Variants in NAALADL2 observed in about 807,000 individuals in gnomAD.
The protein encoded by NAALADL2 is inactive N-acetylated-alpha-linked acidic dipeptidase-like protein 2.
A neutral mutation model predicts 87.2 loss-of-function variants in NAALADL2; 76 were observed. The observed-to-expected ratio is 0.87, with a 90% confidence interval of 0.72 to 1.05. The LOEUF is 1.05. Among genes scored for constraint, NAALADL2 ranks in the 50% least tolerant of loss-of-function variants. The pLI, the probability that NAALADL2 is intolerant of heterozygous loss-of-function variation, is 0.00. For missense variants in NAALADL2, 1,089 were observed against 945.8 expected (o/e 1.15, Z -1.99); for synonymous variants, 354 against 331.0 (o/e 1.07, Z -0.75).
chr3:175,381,866 A>C (rs1412791463), intron 5 of NAALADL2, among the ~76,000 whole-genome samples: 2 of 152,150 alleles, frequency 1.3e-5, no homozygotes, highest in Non-Finnish European at 2.9e-5. Flanking sequence ...TAGTGGCAGC[A>C]GCGGGCCTGC....
At position 175,030,902 on chromosome 3, in the gene NAALADL2, C is replaced by G. The variant is rs530475670; in HGVS notation, c.44-65888C>G. On this transcript the variant is annotated intron_variant, in intron 1 of 13. Transcript: ENST00000454872. The stretch of plus-strand genomic sequence containing the variant: ...TATACAGCCATGCCTGGTTTTATTG[C>G]ACTTTGCAGATACTACTTTTTTAAA... Among the ~76,000 whole-genome samples, 6 of 151,952 alleles carry G rather than the reference C, an allele frequency of 3.9e-5. No homozygotes were observed. The East Asian group carries it at 1.2e-3, about 30-fold the overall frequency.
chr3:175,232,161 G>A (rs13076509), intron 2 of NAALADL2, among the ~76,000 whole-genome samples: 130,890 of 151,120 alleles, frequency 0.87, 56,950 homozygotes, highest in Middle Eastern at 0.93. Context: ...AAGAAGAAGG[G>A]GGAGGAGGAG....
chr3:175,458,369 T>C (rs892054590), intron 6 of NAALADL2, among the ~76,000 whole-genome samples: 2 of 151,280 alleles, frequency 1.3e-5, no homozygotes, highest in Admixed American at 6.6e-5. Flanking sequence ...TAAATCTATA[T>C]GCATGGGTGT....
At chr3:174,645,371 CTTTGT>C (rs1348681906) in intron 2 of NAALADL2, among the ~76,000 whole-genome samples, 1 of 152,144 alleles carries the variant, frequency 6.6e-6, no homozygotes, top group Non-Finnish European at 1.5e-5. Context: ...GGAGTTTCAG[CTTTGT>C]TTTAACAAAA....
chr3:175,243,746 C>T (rs374593333), intron 3 of NAALADL2, among the ~76,000 whole-genome samples: 4 of 151,716 alleles, frequency 2.6e-5, no homozygotes, highest in South Asian at 4.2e-4. Context: ...CTTTCATCTA[C>T]GGCCACAGAA....
intron 3 of NAALADL2, among the ~76,000 whole-genome samples, chr3:174,756,276 A>C (rs551048387): frequency 6.6e-6 from 1 of 152,280 alleles, no homozygotes; most frequent in Admixed American, 6.5e-5. Flanking sequence ...AAATTTTCTA[A>C]GTCCAAATTA....
intron 11 of NAALADL2, among the ~76,000 whole-genome samples, chr3:175,646,236 G>A (rs1729984680): frequency 6.6e-6 from 1 of 151,658 alleles, no homozygotes; most frequent in South Asian, 2.1e-4. Flanking sequence ...CTTATTTTCA[G>A]TATGCCAATA....
In NAALADL2 at chr3:175,187,289, GA is replaced by G. The variant is rs1049758486; in HGVS notation, c.546-46641del. Among the ~76,000 whole-genome samples the G allele has an allele frequency of 1.2e-4, 18 of 152,278 alleles. 1 individual carries two copies. The East Asian group carries it at 1.5e-3, about 13-fold the overall frequency. ...AAAGGGAATAATCATAGATACAAGT[GA>G]GTTCATGACTATAGGAAGTGCTGTA... On this transcript the variant is annotated intron_variant, in intron 2 of 13. Transcript: ENST00000454872.
chr3:174,581,367 G>A (rs1387188600), intron 2 of NAALADL2, among the ~76,000 whole-genome samples: 1 of 152,178 alleles, frequency 6.6e-6, no homozygotes, highest in Admixed American at 6.5e-5. Context: ...CAGAGGAAAG[G>A]TGTATTTTGA....
At chr3:174,865,238 G>C (rs1366792156) in intron 1 of NAALADL2, among the ~76,000 whole-genome samples, 1 of 152,010 alleles carries the variant, frequency 6.6e-6, no homozygotes, top group Non-Finnish European at 1.5e-5. Flanking sequence ...AAAGTCGAAA[G>C]AGAAATACTT....
At chr3:175,756,005 T>G (rs1583126970) in intron 13 of NAALADL2, among the ~76,000 whole-genome samples, 1 of 152,146 alleles carries the variant, frequency 6.6e-6, no homozygotes, top group African/African-American at 2.4e-5. Context: ...TACAGTATGG[T>G]TTTGTTTTTG....
rs561924099 is a variant in NAALADL2, at chr3:174,745,744, C to T, written c.-9+7998C>T. On this transcript the variant is annotated intron_variant, in intron 3 of 3. Coordinates refer to the NAALADL2 transcript ENST00000434257. ...AGTGCATCAAAAAGCTTATCCAATA[C>T]GATCAAGTCAGCTTCGTCCCTGGGA... Among the ~76,000 whole-genome samples the T allele has an allele frequency of 2.0e-4, 30 of 152,172 alleles. 1 individual carries two copies. In the South Asian group the frequency reaches 5.0e-3, roughly 25 times the overall value.
At chr3:174,518,399 C>T (rs893586046) in intron 1 of NAALADL2, among the ~76,000 whole-genome samples, 9 of 152,070 alleles carry the variant, frequency 5.9e-5, no homozygotes, top group East Asian at 1.9e-4. Context: ...ATTTTAAATA[C>T]GTTTTTGATT....
In NAALADL2 at chr3:175,793,620, C is replaced by T. The variant is rs1402708581; in HGVS notation, c.2190-9385C>T. Among the ~76,000 whole-genome samples, 6 of 151,864 alleles carry T rather than the reference C, an allele frequency of 4.0e-5. No individual in the cohort carries two copies. In the East Asian group the frequency reaches 1.2e-3, roughly 29 times the overall value. On this transcript the variant is annotated intron_variant, in intron 13 of 13. Transcript: ENST00000454872. ...GTGAGCCACTGCACCTGGCCCAAAG[C>T]AGCATTTTCTAACCATCTAATATAA... is the stretch of plus-strand genomic sequence containing the variant.
At chr3:174,997,060 T>A (rs9820988) in intron 1 of NAALADL2, among the ~76,000 whole-genome samples, 28,246 of 130,226 alleles carry the variant, frequency 0.22, 3,519 homozygotes, top group African/African-American at 0.43. Context: ...ATATATATAT[T>A]TTTTTTTTTA....
intron 5 of NAALADL2, among the ~76,000 whole-genome samples, chr3:175,393,280 CAAAAAAAAAAAAAAAA>C (rs775778803): frequency 1.0e-4 from 3 of 29,520 alleles, no homozygotes; most frequent in African/African-American, 4.3e-4. Flanking sequence ...GACTCCGTCT[CAAAAAAAAAAAAAAAA>C]AAAAAAAAAA....
intron 9 of NAALADL2, among the ~76,000 whole-genome samples, chr3:175,528,037 AC>A (rs1560707059): frequency 1.3e-5 from 2 of 152,026 alleles, no homozygotes; most frequent in Non-Finnish European, 2.9e-5. Context: ...GAAAAAGTAT[AC>A]TCATATTTGC....
intron 1 of NAALADL2, among the ~76,000 whole-genome samples, chr3:175,053,763 T>C (rs889546910): frequency 1.3e-5 from 2 of 152,250 alleles, no homozygotes; most frequent in Non-Finnish European, 2.9e-5. Flanking sequence ...ACATGAGGAA[T>C]GTACCATTTG....
intron 1 of NAALADL2, among the ~76,000 whole-genome samples, chr3:175,034,487 G>A (rs899632353): frequency 6.6e-6 from 1 of 152,042 alleles, no homozygotes; most frequent in African/African-American, 2.4e-5. Flanking sequence ...ATAGCCACAT[G>A]GCCAGGTCCC....
Sources: allele counts gnomAD v4.1 joint callset (sites outside exome capture counted in the v4.1 genomes callset), GRCh38; gene constraint gnomAD v4.1.1; transcripts MANE v1.5; gene names NCBI Gene and HGNC (gene_info 2026-07-23, HGNC 2026-07-21).